GRID2: variants seen among roughly 807,000 people sequenced by gnomAD.
GRID2 encodes glutamate ionotropic receptor delta type subunit 2.
GRID2 carries 33 observed loss-of-function variants against 114.8 expected under a neutral mutation model. The ratio of observed to expected loss-of-function variants is 0.29; its 90% CI spans 0.22 to 0.38. The LOEUF is 0.38. Among genes scored for constraint, GRID2 ranks in the 10% least tolerant of loss-of-function variants. The pLI, the probability that GRID2 is intolerant of heterozygous loss-of-function variation, is 1.00. For synonymous variants in GRID2, 505 were observed against 449.9 expected (o/e 1.12, Z -1.55); for missense variants, 1,184 against 1,257.7 (o/e 0.94, Z 0.89).
chr4:92,554,298 G>A (rs914515085), intron 1 of GRID2, among the ~76,000 whole-genome samples: 2 of 152,076 alleles, frequency 1.3e-5, no homozygotes, highest in African/African-American at 4.8e-5. Flanking sequence ...CAGAGAAATC[G>A]AGTAATATGA....
At chr4:93,597,966 G>A (rs1378101537) in intron 13 of GRID2, among the ~76,000 whole-genome samples, 2 of 152,152 alleles carry the variant, frequency 1.3e-5, no homozygotes, top group Non-Finnish European at 2.9e-5. Flanking sequence ...CTGTTAGATA[G>A]CCCTGACTTA....
At chr4:93,075,953 A>G (rs993171969) in intron 2 of GRID2, among the ~76,000 whole-genome samples, 1 of 125,700 alleles carries the variant, frequency 8.0e-6, no homozygotes, top group African/African-American at 3.2e-5. Flanking sequence ...ACCCAGGCTG[A>G]AGTGCAGTGG....
At chr4:93,288,878 A>T (rs1220577675) in intron 8 of GRID2, among the ~76,000 whole-genome samples, 2 of 152,200 alleles carry the variant, frequency 1.3e-5, no homozygotes, top group Non-Finnish European at 2.9e-5. Flanking sequence ...TAAAGTGAGA[A>T]GTAGTTTCAC....
At chr4:92,308,524 T>C (rs563902490) in intron 1 of GRID2, among the ~76,000 whole-genome samples, 2 of 152,270 alleles carry the variant, frequency 1.3e-5, no homozygotes, top group Non-Finnish European at 2.9e-5. Flanking sequence ...GCTGTGATAT[T>C]ATATTTGAGA....
At chr4:93,403,350 TGAG>T (rs763765399) in intron 9 of GRID2, among the ~76,000 whole-genome samples, 5 of 152,006 alleles carry the variant, frequency 3.3e-5, no homozygotes, top group Non-Finnish European at 7.4e-5. Flanking sequence ...GGGTGGCAAA[TGAG>T]GAGTTCCATG....
intron 2 of GRID2, among the ~76,000 whole-genome samples, chr4:92,927,959 A>C (rs1345235331): frequency 6.6e-6 from 1 of 151,748 alleles, no homozygotes; most frequent in Non-Finnish European, 1.5e-5. Flanking sequence ...TATTCTTTGG[A>C]TGCCATGTTG....
intron 2 of GRID2, among the ~76,000 whole-genome samples, chr4:92,736,887 C>T (rs1736626300): frequency 6.6e-6 from 1 of 152,014 alleles, no homozygotes; most frequent in Non-Finnish European, 1.5e-5. Flanking sequence ...AGAAAGAATT[C>T]TAAAATACAT....
intron 11 of GRID2, among the ~76,000 whole-genome samples, chr4:93,459,168 GA>G (rs1364046320): frequency 1.2e-5 from 1 of 81,768 alleles, no homozygotes; most frequent in Non-Finnish European, 2.2e-5. Flanking sequence ...TGACAAGAGT[GA>G]AACTCCATCT....
At chr4:93,225,454 C>T (rs1000967796) in intron 7 of GRID2, among the ~76,000 whole-genome samples, 6 of 152,032 alleles carry the variant, frequency 3.9e-5, no homozygotes, top group East Asian at 1.9e-4. Context: ...TGTCTTGTAC[C>T]GCCTCTTGGA....
At chr4:92,950,736 C>A (rs538882739) in intron 2 of GRID2, among the ~76,000 whole-genome samples, 1 of 152,248 alleles carries the variant, frequency 6.6e-6, no homozygotes, top group African/African-American at 2.4e-5. Context: ...TTTATATAAA[C>A]CTATAAGAAA....
chr4:93,746,300 T>C (rs914329306), intron 14 of GRID2, among the ~76,000 whole-genome samples: 8 of 152,132 alleles, frequency 5.3e-5, no homozygotes, highest in African/African-American at 1.7e-4. Context: ...ATACAATACA[T>C]ACAATAAAAC....
chr4:93,235,735 T>C (rs1283324097), intron 7 of GRID2, among the ~76,000 whole-genome samples: 1 of 152,054 alleles, frequency 6.6e-6, no homozygotes, highest in Non-Finnish European at 1.5e-5. Context: ...GGTAAGTAAA[T>C]GCTGCAGCAA....
At chr4:92,640,493 G>T (rs1731290747) in intron 2 of GRID2, among the ~76,000 whole-genome samples, 1 of 151,842 alleles carries the variant, frequency 6.6e-6, no homozygotes, top group Non-Finnish European at 1.5e-5. Flanking sequence ...TAACACTATA[G>T]ATCTAGTTTG....
intron 1 of GRID2, among the ~76,000 whole-genome samples, chr4:92,409,871 C>T (rs372845131): frequency 2.3e-3 from 344 of 152,162 alleles, no homozygotes; most frequent in South Asian, 0.01. Flanking sequence ...TGGTCTTTTT[C>T]TTGTGGAACC....
chr4:92,895,485 G>A, intron 2 of GRID2, among the ~76,000 whole-genome samples: 1 of 150,236 alleles, frequency 6.7e-6, no homozygotes, highest in East Asian at 2.0e-4. Flanking sequence ...ATTATTTAGA[G>A]AGAATCAAAG....
intron 2 of GRID2, among the ~76,000 whole-genome samples, chr4:93,061,123 TA>T (rs967499969): frequency 6.8e-6 from 1 of 146,566 alleles, no homozygotes; most frequent in Non-Finnish European, 1.5e-5. Flanking sequence ...AATAAATAAA[TA>T]AATAAATAAA....
At chr4:92,935,809 C>T (rs919898872) in intron 2 of GRID2, among the ~76,000 whole-genome samples, 5 of 143,492 alleles carry the variant, frequency 3.5e-5, no homozygotes, top group Non-Finnish European at 7.6e-5. Flanking sequence ...ACTGCATGTT[C>T]TCACTCATAG....
At chr4:92,544,447 A>G (rs772859529) in intron 1 of GRID2, among the ~76,000 whole-genome samples, 32 of 152,264 alleles carry the variant, frequency 2.1e-4, no homozygotes, top group Non-Finnish European at 4.1e-4. Flanking sequence ...TATGTCTTCA[A>G]TGTGGTTGCG....
chr4:92,852,230 T>C (rs1743868061), intron 2 of GRID2, among the ~76,000 whole-genome samples: 1 of 151,724 alleles, frequency 6.6e-6, no homozygotes, highest in East Asian at 1.9e-4. Flanking sequence ...CTATAAAAAA[T>C]CATGTTCTAT....
Sources: allele counts gnomAD v4.1 joint callset (sites outside exome capture counted in the v4.1 genomes callset), GRCh38; gene constraint gnomAD v4.1.1; transcripts MANE v1.5; gene names NCBI Gene and HGNC (gene_info 2026-07-23, HGNC 2026-07-21).